The following PDE4DIP variants were observed in gnomAD, a reference collection of about 807,000 sequenced individuals.
PDE4DIP encodes phosphodiesterase 4D interacting protein, also known as myomegalin.
PDE4DIP carries 59 observed loss-of-function variants against 221.4 expected under a neutral mutation model. That is an observed-to-expected ratio of 0.27 (90% CI 0.22 to 0.33). PDE4DIP has a LOEUF of 0.33. PDE4DIP is among the 10% of genes least tolerant of loss of function. The probability of loss-of-function intolerance (pLI) is 1.00; values close to 1 mark genes in which losing one functional copy is unlikely to be tolerated. For synonymous variants in PDE4DIP, 404 were observed against 815.9 expected (o/e 0.50, Z 8.60); for missense variants, 1,036 against 2,154.2 (o/e 0.48, Z 10.28).
At chr1:149,005,214 C>T in exon 27 of PDE4DIP, 1 of 1,601,808 alleles carries the variant, frequency 6.2e-7, no homozygotes, top group Non-Finnish European at 8.6e-7. Context: ...ACCCCGGAAG[C>T]TGAGAGCTGT....
chr1:148,905,959 TTTTG>T (rs1202020206), intron 1 of PDE4DIP, among the ~76,000 whole-genome samples: 5 of 94,072 alleles, frequency 5.3e-5, no homozygotes, highest in African/African-American at 1.9e-4. Context: ...CTTTTGTATT[TTTTG>T]TTTGTTTGTT....
chr1:148,934,229 A>G (rs1553473204), intron 4 of PDE4DIP, among the ~76,000 whole-genome samples: 1 of 152,160 alleles, frequency 6.6e-6, no homozygotes, highest in East Asian at 1.9e-4. Flanking sequence ...ATATATATAC[A>G]TATTGTACAA....
At chr1:149,004,314 G>A (rs1477297628) in intron 26 of PDE4DIP, among the ~76,000 whole-genome samples, 2 of 151,470 alleles carry the variant, frequency 1.3e-5, no homozygotes, top group African/African-American at 4.9e-5. Context: ...ACAGTGCCTG[G>A]CATCTGGTAA....
At chr1:149,000,425 C>T (rs1459093937) in intron 23 of PDE4DIP, among the ~76,000 whole-genome samples, 1 of 151,850 alleles carries the variant, frequency 6.6e-6, no homozygotes, top group Non-Finnish European at 1.5e-5. Context: ...CGTGGTGGCA[C>T]GTGCCTGTAG....
exon 14 of PDE4DIP, chr1:148,968,936 A>G: frequency 1.2e-6 from 2 of 1,613,080 alleles, no homozygotes; most frequent in South Asian, 1.1e-5. Context: ...ATGCTGCAGG[A>G]CCTTCTAAGT....
intron 30 of PDE4DIP, 88 bp downstream of exon 33, chr1:149,009,879 T>C: frequency 9.8e-7 from 1 of 1,017,450 alleles, no homozygotes; most frequent in Non-Finnish European, 1.5e-6. Context: ...CCATGGTGTG[T>C]ATCAGGCTGA....
exon 44 of PDE4DIP, chr1:149,032,268 T>A (rs1226913246): frequency 3.3e-5 from 20 of 601,238 alleles, no homozygotes; most frequent in Non-Finnish European, 5.3e-5. Flanking sequence ...CACAGAAGGT[T>A]TTGTGATCCT....
intron 1 of PDE4DIP, among the ~76,000 whole-genome samples, chr1:148,820,818 G>A (rs1233150553): frequency 6.3e-5 from 9 of 143,906 alleles, no homozygotes; most frequent in East Asian, 6.1e-4. Flanking sequence ...AGACCCACAC[G>A]AGGATGATCT....
intron 22 of PDE4DIP, among the ~76,000 whole-genome samples, chr1:148,994,535 A>C (rs1225812814): frequency 6.6e-6 from 1 of 151,434 alleles, no homozygotes; most frequent in Non-Finnish European, 1.5e-5. Flanking sequence ...AAAAATAGTT[A>C]TTTTTGATTG....
At chr1:148,976,450 G>C (rs1292867952) in intron 17 of PDE4DIP, among the ~76,000 whole-genome samples, 4 of 152,108 alleles carry the variant, frequency 2.6e-5, no homozygotes, top group Non-Finnish European at 5.9e-5. Flanking sequence ...GTAAGTTGAA[G>C]AGTAGAAGAA....
exon 23 of PDE4DIP, chr1:148,998,251 G>A: frequency 6.2e-7 from 1 of 1,606,242 alleles, no homozygotes; most frequent in Non-Finnish European, 8.5e-7. Flanking sequence ...TCTTCAGGAA[G>A]AAATGCTCCA....
At chr1:149,028,493 G>A in intron 40 of PDE4DIP, 67 bp from the exon 44 acceptor site, 2 of 1,464,006 alleles carry the variant, frequency 1.4e-6, no homozygotes, top group Admixed American at 1.9e-5. Flanking sequence ...CACTCACAAA[G>A]GAAGCTTGAG....
chr1:149,019,751 A>T (rs2072031454), intron 35 of PDE4DIP, among the ~76,000 whole-genome samples: 1 of 152,206 alleles, frequency 6.6e-6, no homozygotes, highest in African/African-American at 2.4e-5. Context: ...AGATCAGAGA[A>T]GTGCTGCAAG....
intron 5 of PDE4DIP, chr1:148,953,169 A>T: frequency 6.2e-7 from 1 of 1,614,150 alleles, no homozygotes; most frequent in Non-Finnish European, 8.5e-7. Flanking sequence ...GCACTGCTCC[A>T]GGAGGACTTC....
intron 1 of PDE4DIP, among the ~76,000 whole-genome samples, chr1:148,905,162 T>C (rs2041455053): frequency 7.0e-6 from 1 of 142,580 alleles, no homozygotes; most frequent in East Asian, 2.1e-4. Flanking sequence ...TCCAGGAATT[T>C]ATCCATCTCT....
At chr1:149,029,610 T>G (rs1339220150) in intron 41 of PDE4DIP, among the ~76,000 whole-genome samples, 177 bp from the exon 45 acceptor site, 2 of 152,094 alleles carry the variant, frequency 1.3e-5, no homozygotes, top group East Asian at 3.9e-4. Flanking sequence ...TATTCCTGCC[T>G]AATGGCCTCA....
chr1:148,934,217 T>TTATA (rs1176041966), intron 4 of PDE4DIP, among the ~76,000 whole-genome samples: 4,018 of 145,714 alleles, frequency 0.028, no homozygotes, highest in Non-Finnish European at 0.042. Context: ...ATTGTTTCTT[T>TTATA]TATATATATA....
intron 37 of PDE4DIP, among the ~76,000 whole-genome samples, chr1:149,023,226 C>T (rs2073688245): frequency 6.6e-6 from 1 of 152,040 alleles, no homozygotes; most frequent in African/African-American, 2.4e-5. Context: ...CATTTAGTGA[C>T]AAAATCTAGA....
intron 1 of PDE4DIP, among the ~76,000 whole-genome samples, chr1:148,832,794 T>C (rs1262451114): frequency 2.9e-5 from 4 of 137,006 alleles, no homozygotes; most frequent in South Asian, 2.5e-4. Context: ...CACTTGATCA[T>C]GGTGGATAAG....
Sources: allele counts gnomAD v4.1 joint callset (sites outside exome capture counted in the v4.1 genomes callset), GRCh38; gene constraint gnomAD v4.1.1; transcripts MANE v1.5; gene names NCBI Gene and HGNC (gene_info 2026-07-23, HGNC 2026-07-21).